Variants in CCDC13 observed in about 807,000 individuals in gnomAD.
The protein encoded by CCDC13 is coiled-coil domain containing 13.
In CCDC13, 70 loss-of-function variants were observed where a neutral mutation model predicts 87.3. The observed-to-expected ratio is 0.80, with a 90% CI of 0.66 to 0.98. CCDC13 has a LOEUF of 0.98. Among genes scored for constraint, CCDC13 ranks in the 50% least tolerant of loss-of-function variants. The pLI is 0.00. For synonymous variants in CCDC13, 317 were observed against 360.3 expected, an observed-to-expected ratio of 0.88 and a Z score of 1.36; for missense variants, 842 against 892.0, an observed-to-expected ratio of 0.94 and a Z score of 0.71.
At chr3:42,716,001 TAA>T (rs1161994172) in intron 13 of CCDC13, among the ~76,000 whole-genome samples, 2 of 152,240 alleles carry the variant, frequency 1.3e-5, no homozygotes, top group African/African-American at 2.4e-5. Context: ...CAAAATGGAC[TAA>T]GACACATCCT....
intron 14 of CCDC13, 130 bp downstream of exon 14, chr3:42,713,032 G>T: frequency 9.3e-7 from 1 of 1,073,516 alleles, no homozygotes; most frequent in Non-Finnish European, 1.3e-6. Flanking sequence ...GGCAGGCAGA[G>T]CTCCACCCTG....
intron 3 of CCDC13, among the ~76,000 whole-genome samples, chr3:42,755,221 A>G (rs978743405): frequency 2.0e-5 from 3 of 152,200 alleles, no homozygotes; most frequent in Admixed American, 1.3e-4. Flanking sequence ...AAAATATAGT[A>G]AGCAAACAAA....
chr3:42,753,464 T>A (rs1422098459), intron 3 of CCDC13, among the ~76,000 whole-genome samples: 1 of 151,014 alleles, frequency 6.6e-6, no homozygotes, highest in Non-Finnish European at 1.5e-5. Flanking sequence ...TACCAAGTGC[T>A]GGGTCCTCTT....
Position 42,707,161 on chromosome 3 carries a change from T to TCACC in CCDC13, c.*1815_*1818dup, listed in dbSNP as rs921842070. Among the ~76,000 whole-genome samples, 3 of 152,104 alleles carry TCACC rather than the reference T, an allele frequency of 2.0e-5. No individual in the cohort carries two copies. Among genetic ancestry groups the TCACC allele is most frequent in the Non-Finnish European group, 2.9e-5 (2 of 68,010 alleles). On this transcript the variant is annotated 3_prime_UTR_variant, in exon 16 of 16. Coordinates refer to ENST00000310232, the MANE Select transcript of CCDC13 (RefSeq NM_144719.4). Reference sequence around the variant, plus strand: ...AGAGCCTGTACCCCTCATACTCAGATCACCCTCTGGAGCTCCTCAGGGCCT... The same window carrying TCACC: ...AGAGCCTGTACCCCTCATACTCAGATCACCCACCCTCTGGAGCTCCTCAGGGCCT...
intron 13 of CCDC13, among the ~76,000 whole-genome samples, chr3:42,713,731 A>G (rs1316017275): frequency 6.6e-6 from 1 of 152,224 alleles, no homozygotes; most frequent in Admixed American, 6.5e-5. Context: ...ACGAAACAGA[A>G]TCACCTGTAT....
intron 13 of CCDC13, among the ~76,000 whole-genome samples, chr3:42,723,206 T>A (rs992627244): frequency 6.6e-6 from 1 of 152,130 alleles, no homozygotes; most frequent in Non-Finnish European, 1.5e-5. Flanking sequence ...GGATCAAAAC[T>A]CCCTTTCCTG....
intron 10 of CCDC13, among the ~76,000 whole-genome samples, chr3:42,734,132 C>T (rs536419041): frequency 8.5e-4 from 130 of 152,262 alleles, no homozygotes; most frequent in South Asian, 1.5e-3. Context: ...CTTCTGGATA[C>T]CTGCTGGGGC....
chr3:42,726,294 G>A (rs532824017), intron 13 of CCDC13, among the ~76,000 whole-genome samples: 2 of 152,134 alleles, frequency 1.3e-5, no homozygotes, highest in East Asian at 1.9e-4. Context: ...CACCCACCTC[G>A]GCCTCCCAAA....
In CCDC13 at chr3:42,753,431, T is replaced by G. The variant is rs1350014445; in HGVS notation, c.371-714A>C. 2.6e-5 allele frequency among the ~76,000 whole-genome samples: 4 copies of G among 152,226 alleles called. No individual in the cohort carries two copies. In the East Asian group the frequency reaches 7.7e-4, roughly 29 times the overall value. Reference sequence around the variant, plus strand: ...GCCTACCCAATAGAAAGGCATACATTCATTTAGCAAATATTTATTTTCTAC... The same window carrying G: ...GCCTACCCAATAGAAAGGCATACATGCATTTAGCAAATATTTATTTTCTAC... On this transcript the variant is annotated intron_variant, in intron 3 of 15. Transcript: ENST00000310232.
In CCDC13 at chr3:42,709,770, G is replaced by C. The variant is rs1698260723; in HGVS notation, c.1902C>G (p.Asn634Lys). ...TGLPTSNNRH[N>K]PTGSEKKDPS... Reference sequence around the variant, plus strand: ...GGTCCTTCTTCTCGCTCCCGGTTGGGTTGTGCCTGTTGTTAGAGGTGGGCA... The same window carrying C: ...GGTCCTTCTTCTCGCTCCCGGTTGGCTTGTGCCTGTTGTTAGAGGTGGGCA... The change falls in exon 15 of 16, where the codon AAC (asparagine) becomes AAG (lysine). Residue 634 changes from asparagine (N) to lysine (K), a missense_variant. Transcript: ENST00000310232. The C allele has an allele frequency of 2.5e-6, 4 of 1,614,042 alleles. No homozygotes were observed. Among genetic ancestry groups the C allele is most frequent in the Non-Finnish European group, 3.4e-6 (4 of 1,180,008 alleles).
At chr3:42,765,814 G>T (rs553663546) in intron 1 of CCDC13, among the ~76,000 whole-genome samples, 1 of 152,250 alleles carries the variant, frequency 6.6e-6, no homozygotes, top group East Asian at 1.9e-4. Flanking sequence ...GATGAGTGTG[G>T]GGAACTATGA....
At chr3:42,758,395 C>T (rs201839576) in intron 1 of CCDC13, 44 bp from the exon 2 acceptor site, 515 of 1,587,038 alleles carry the variant, frequency 3.2e-4, no homozygotes, top group African/African-American at 3.1e-3. Context: ...AACTCCACAC[C>T]GAGCGCTCAG....
rs1292704875 is a variant in CCDC13, at chr3:42,747,092, G to A, written c.720+165C>T. The A allele has an allele frequency of 6.6e-6, 5 of 754,694 alleles. No homozygotes were observed. The South Asian group carries it at 6.9e-5, about 10-fold the overall frequency. 46.7% of individuals were successfully genotyped at this position (754,694 alleles called of 1,614,324 possible). A position where few individuals can be genotyped will look rare whatever the true frequency, so the allele number is the denominator to read the frequency against. Reference sequence around the variant, plus strand: ...GCCCACCAAATGGTTATGGACCAAGGGCTGGTGGGAGGAAGGACTGGAACT... The same window carrying A: ...GCCCACCAAATGGTTATGGACCAAGAGCTGGTGGGAGGAAGGACTGGAACT... On this transcript the variant is annotated intron_variant, in intron 6 of 15. Coordinates refer to ENST00000310232, the MANE Select transcript of CCDC13 (RefSeq NM_144719.4).
chr3:42,713,316 C>A lies in CCDC13; in HGVS notation c.1719G>T (p.Arg573=). The part of the protein sequence containing the change: ...LTEFVTVLQK[R]VEESNSKLLE... ...GGAGCTTGCTGTTGCTCTCCTCCAC[C>A]CTGGTGATTAGAGAGGAGGGGATGC... The change falls in exon 14 of 16, where the codon CGG becomes CGT. Residue 573 remains arginine (R), a splice_region_variant and synonymous_variant. Coordinates refer to ENST00000310232, the MANE Select transcript of CCDC13 (RefSeq NM_144719.4). The A allele has an allele frequency of 6.2e-7, 1 of 1,613,772 alleles. No individual in the cohort carries two copies. Among genetic ancestry groups the A allele is most frequent in the Non-Finnish European group, 8.5e-7 (1 of 1,179,818 alleles).
At chr3:42,734,583 A>G (rs894784101) in intron 10 of CCDC13, among the ~76,000 whole-genome samples, 12 of 152,188 alleles carry the variant, frequency 7.9e-5, no homozygotes, top group African/African-American at 2.9e-4. Flanking sequence ...TACAGGACAA[A>G]CCAGGCTGGT....
intron 1 of CCDC13, among the ~76,000 whole-genome samples, chr3:42,761,757 T>G (rs1699836588): frequency 6.6e-6 from 1 of 152,336 alleles, no homozygotes; most frequent in South Asian, 2.1e-4. Flanking sequence ...CTCTGTGTCC[T>G]TCTAGCCTGT....
chr3:42,752,338 A>G (rs546308828), intron 4 of CCDC13, among the ~76,000 whole-genome samples: 1 of 152,256 alleles, frequency 6.6e-6, no homozygotes, highest in South Asian at 2.1e-4. Flanking sequence ...GCGGGGCAAA[A>G]AAGAATGATG....
chr3:42,709,594 G>A, intron 15 of CCDC13, 90 bp downstream of exon 15: 1 of 1,048,092 alleles, frequency 9.5e-7, no homozygotes, highest in Non-Finnish European at 1.5e-6. Flanking sequence ...TGAGTCAAAA[G>A]TGCAAGGGGA....
At chr3:42,737,341 C>T (rs569294214) in intron 9 of CCDC13, among the ~76,000 whole-genome samples, 1 of 152,322 alleles carries the variant, frequency 6.6e-6, no homozygotes, top group Non-Finnish European at 1.5e-5. Context: ...GGTTCCAAGT[C>T]TTTGCTATTG....
Sources: gnomAD v4.1 joint callset for allele counts (sites outside exome capture counted in the v4.1 genomes callset) on GRCh38, gnomAD v4.1.1 for gene constraint, MANE v1.5 for transcripts, NCBI Gene and HGNC (gene_info 2026-07-23, HGNC 2026-07-21) for gene names.